Variants in LRRC37A2 observed in about 807,000 individuals in gnomAD.
LRRC37A2 encodes the protein leucine rich repeat containing 37 member A2, also known as leucine-rich repeat-containing protein 37A2.
LRRC37A2 carries 9 observed loss-of-function variants against 68.8 expected under a neutral mutation model. The observed-to-expected ratio is 0.13, with a 90% CI of 0.08 to 0.23. LRRC37A2 has a LOEUF of 0.23. Among genes scored for constraint, LRRC37A2 ranks in the 10% least tolerant of loss-of-function variants. LRRC37A2 has a pLI of 1.00. For synonymous variants in LRRC37A2, 63 were observed against 367.6 expected, an observed-to-expected ratio of 0.17 and a Z score of 9.48; for missense variants, 168 against 950.4, an observed-to-expected ratio of 0.18 and a Z score of 10.82.
chr17:46,897,498 C>T, the LRRC37A2 span, among the ~76,000 whole-genome samples: 1 of 152,116 alleles, frequency 6.6e-6, no homozygotes. Context: ...CTCTAGGTTA[C>T]CATGAGCCAG....
At chr17:46,398,067 G>A in the LRRC37A2 span, among the ~76,000 whole-genome samples, 4 of 84,110 alleles carry the variant, frequency 4.8e-5, 1 homozygote, top group African/African-American at 1.4e-4. Flanking sequence ...AAAGGTTGCA[G>A]TGTGCTGAGA....
At chr17:46,586,397 C>CAA in the LRRC37A2 span, among the ~76,000 whole-genome samples, 3 of 20,176 alleles carry the variant, frequency 1.5e-4, 1 homozygote, top group Non-Finnish European at 1.2e-3. Flanking sequence ...CACACACACA[C>CAA]ACACACACAC....
the LRRC37A2 span, chr17:46,773,619 T>TGCCTG: frequency 1.8e-6 from 1 of 549,846 alleles, no homozygotes; most frequent in Non-Finnish European, 3.2e-6. Context: ...ACAGTCCTGA[T>TGCCTG]CCCTCCCCCC....
At chr17:46,722,544 A>G in the LRRC37A2 span, among the ~76,000 whole-genome samples, 1 of 152,114 alleles carries the variant, frequency 6.6e-6, no homozygotes, top group Non-Finnish European at 1.5e-5. Context: ...TAAATATCTC[A>G]CTTGGATTTT....
At chr17:46,962,432 A>G in the LRRC37A2 span, among the ~76,000 whole-genome samples, 1 of 152,246 alleles carries the variant, frequency 6.6e-6, no homozygotes, top group East Asian at 1.9e-4. Flanking sequence ...CTCCTCACAC[A>G]TCAAATCTGG....
chr17:46,800,962 G>C, the LRRC37A2 span, among the ~76,000 whole-genome samples: 1 of 152,232 alleles, frequency 6.6e-6, no homozygotes, highest in Non-Finnish European at 1.5e-5. Context: ...GCACGGAGAA[G>C]TGAGGTGTGC....
At chr17:46,887,945 G>A in the LRRC37A2 span, among the ~76,000 whole-genome samples, 2 of 152,188 alleles carry the variant, frequency 1.3e-5, no homozygotes, top group African/African-American at 4.8e-5. Context: ...TCAATGTGAT[G>A]AAACTGACAA....
the LRRC37A2 span, among the ~76,000 whole-genome samples, chr17:47,034,775 A>G: frequency 0.45 from 64,142 of 143,074 alleles, 14,610 homozygotes; most frequent in Non-Finnish European, 0.51. Context: ...TAGAATGAAG[A>G]GGTAGCCGAC....
chr17:46,774,142 CAGA>C, the LRRC37A2 span, among the ~76,000 whole-genome samples: 1 of 152,228 alleles, frequency 6.6e-6, no homozygotes, highest in African/African-American at 2.4e-5. Context: ...GATGGGACCG[CAGA>C]AGCCGCTTGT....
the LRRC37A2 span, among the ~76,000 whole-genome samples, chr17:47,022,203 C>CTTTTTTTT: frequency 9.1e-5 from 4 of 43,870 alleles, no homozygotes; most frequent in East Asian, 7.3e-4. Context: ...CAGGTTCTTA[C>CTTTTTTTT]TTTGTCCTCT....
At chr17:46,986,888 G>A in the LRRC37A2 span, among the ~76,000 whole-genome samples, 1 of 152,150 alleles carries the variant, frequency 6.6e-6, no homozygotes, top group African/African-American at 2.4e-5. Context: ...GACTGGAAGG[G>A]CAGGAAGGGC....
At chr17:46,816,475 G>GCGCACACACA in the LRRC37A2 span, among the ~76,000 whole-genome samples, 1 of 144,244 alleles carries the variant, frequency 6.9e-6, no homozygotes, top group Non-Finnish European at 1.5e-5. Flanking sequence ...CAGAACACAC[G>GCGCACACACA]CACACACACA....
chr17:46,780,734 G>A, the LRRC37A2 span, among the ~76,000 whole-genome samples: 1 of 152,058 alleles, frequency 6.6e-6, no homozygotes, highest in African/African-American at 2.4e-5. Context: ...CTGAGATGGC[G>A]CCACTGCGCT....
chr17:46,749,669 G>T, the LRRC37A2 span: 1 of 1,091,022 alleles, frequency 9.2e-7, no homozygotes, highest in African/African-American at 1.6e-5. Flanking sequence ...CATTTGCATC[G>T]GCAAGATTAA....
the LRRC37A2 span, chr17:46,851,736 C>A: frequency 4.8e-6 from 6 of 1,243,634 alleles, no homozygotes; most frequent in African/African-American, 6.3e-5. This position sits in a 1 kb window ranked among gnomAD's most constrained non-coding sequence, Gnocchi z 4.3. Flanking sequence ...GCCGCGCCCC[C>A]CGCCCGCTCC....
chr17:46,944,005 G>A, the LRRC37A2 span, among the ~76,000 whole-genome samples: 6 of 152,180 alleles, frequency 3.9e-5, no homozygotes, highest in Non-Finnish European at 8.8e-5. Context: ...TCCTGGCTTA[G>A]CAATTCCATT....
chr17:46,970,376 A>G, the LRRC37A2 span, among the ~76,000 whole-genome samples: 1 of 152,094 alleles, frequency 6.6e-6, no homozygotes, highest in Admixed American at 6.6e-5. Context: ...CCCTGTCTCT[A>G]CTAAAAATGC....
At chr17:46,740,843 G>A in the LRRC37A2 span, among the ~76,000 whole-genome samples, 1 of 152,026 alleles carries the variant, frequency 6.6e-6, no homozygotes. Flanking sequence ...TGTATTTTTA[G>A]TAGAGATGGG....
chr17:46,992,121 G>A, the LRRC37A2 span, among the ~76,000 whole-genome samples: 1 of 152,158 alleles, frequency 6.6e-6, no homozygotes, highest in Non-Finnish European at 1.5e-5. Flanking sequence ...AGCACTTTGG[G>A]AGGCTGAGGC....
Sources: gnomAD v4.1 joint callset for allele counts (sites outside exome capture counted in the v4.1 genomes callset) on GRCh38, gnomAD v4.1.1 for gene constraint, Gnocchi (gnomAD v3.1) non-coding constraint, MANE v1.5 for transcripts, NCBI Gene and HGNC (gene_info 2026-07-23, HGNC 2026-07-21) for gene names.